Variants in DLG2 observed in about 807,000 individuals in gnomAD.
DLG2 encodes the protein discs large MAGUK scaffold protein 2.
In DLG2, 45 loss-of-function variants were observed where a neutral mutation model predicts 132.5. The observed-to-expected ratio is 0.34, with a 90% CI of 0.27 to 0.44. The LOEUF is 0.44. DLG2 is among the 20% of genes least tolerant of loss of function. DLG2 has a pLI of 1.00. For missense variants in DLG2, 1,045 were observed against 1,196.9 expected, an observed-to-expected ratio of 0.87 and a Z score of 1.87; for synonymous variants, 424 against 419.6, an observed-to-expected ratio of 1.01 and a Z score of -0.13.
chr11:84,606,353 G>T (rs1353326845), intron 6 of DLG2, among the ~76,000 whole-genome samples: 1 of 152,024 alleles, frequency 6.6e-6, no homozygotes, highest in African/African-American at 2.4e-5. Context: ...TATAATGTGT[G>T]TCACTGTTAT....
intron 4 of DLG2, among the ~76,000 whole-genome samples, chr11:85,167,929 G>A (rs2078577172): frequency 6.6e-6 from 1 of 152,108 alleles, no homozygotes; most frequent in South Asian, 2.1e-4. Flanking sequence ...CAATGGGTAA[G>A]TTTAAACTAA....
intron 3 of DLG2, among the ~76,000 whole-genome samples, chr11:85,508,487 CT>C (rs2153149296): frequency 6.6e-6 from 1 of 152,112 alleles, no homozygotes; most frequent in South Asian, 2.1e-4. Flanking sequence ...CTTTATCCCC[CT>C]ACTCTGTTTT....
chr11:85,467,761 C>T (rs1412139267), intron 3 of DLG2, among the ~76,000 whole-genome samples: 1 of 152,102 alleles, frequency 6.6e-6, no homozygotes, highest in Non-Finnish European at 1.5e-5. Context: ...GGATATAGGC[C>T]TAAAATTATC....
chr11:84,747,601 A>G (rs1170670565), intron 6 of DLG2, among the ~76,000 whole-genome samples: 1 of 152,226 alleles, frequency 6.6e-6, no homozygotes, highest in Admixed American at 6.5e-5. Context: ...AAAATGACAT[A>G]ATATGAAAAT....
intron 10 of DLG2, among the ~76,000 whole-genome samples, chr11:84,086,489 T>C (rs1318727180): frequency 2.8e-5 from 3 of 105,952 alleles, no homozygotes; most frequent in Non-Finnish European, 5.6e-5. Context: ...TTTTCTTTCT[T>C]TCTTTTTTTT....
At chr11:83,955,277 T>C (rs1489948710) in intron 14 of DLG2, among the ~76,000 whole-genome samples, 2 of 151,960 alleles carry the variant, frequency 1.3e-5, no homozygotes, top group Non-Finnish European at 2.9e-5. Context: ...TAGGAAATGG[T>C]GTGATTCAAA....
intron 8 of DLG2, among the ~76,000 whole-genome samples, chr11:84,221,367 G>A (rs2096914235): frequency 6.6e-6 from 1 of 152,006 alleles, no homozygotes; most frequent in South Asian, 2.1e-4. Flanking sequence ...AGGAGGCTGA[G>A]GCAGGAGAAT....
At chr11:85,346,194 T>C (rs1161665589) in intron 3 of DLG2, among the ~76,000 whole-genome samples, 1 of 151,808 alleles carries the variant, frequency 6.6e-6, no homozygotes, top group Non-Finnish European at 1.5e-5. Flanking sequence ...CTTTCTTTTT[T>C]TTTTTTTCTT....
At chr11:84,043,430 T>C (rs1482304233) in intron 11 of DLG2, among the ~76,000 whole-genome samples, 1 of 151,770 alleles carries the variant, frequency 6.6e-6, no homozygotes, top group African/African-American at 2.4e-5. Flanking sequence ...AGGTTTGTTA[T>C]ATACGTAAAC....
At chr11:84,530,012 C>T (rs553650801) in intron 7 of DLG2, among the ~76,000 whole-genome samples, 19 of 151,918 alleles carry the variant, frequency 1.3e-4, no homozygotes, top group South Asian at 8.3e-4. Context: ...ATCTGATCTT[C>T]AATAAAGTGG....
At chr11:85,460,914 G>C (rs866347457) in intron 3 of DLG2, among the ~76,000 whole-genome samples, 2 of 152,148 alleles carry the variant, frequency 1.3e-5, no homozygotes, top group Non-Finnish European at 2.9e-5. Flanking sequence ...TGAGGGTTGA[G>C]GTTTTGTATT....
chr11:84,628,309 C>T lies in DLG2; in HGVS notation c.358-93578G>A, dbSNP rs572927992. The stretch of plus-strand genomic sequence containing the variant: ...CCAAGGAACTATTCTCTGGTTAGTC[C>T]AAGCTCTACATTTGTTGAGCACCTA... On this transcript the variant is annotated intron_variant, in intron 6 of 27. Coordinates refer to ENST00000376104, the MANE Select transcript of DLG2 (RefSeq NM_001142699.3). 7.9e-5 allele frequency among the ~76,000 whole-genome samples: 12 copies of T among 152,158 alleles called. No individual in the cohort carries two copies. The South Asian group carries it at 2.3e-3, about 29-fold the overall frequency.
chr11:84,089,755 G>T (rs927073211), intron 10 of DLG2, among the ~76,000 whole-genome samples: 6 of 152,170 alleles, frequency 3.9e-5, no homozygotes, highest in African/African-American at 1.2e-4. Context: ...ATCTTGTCTG[G>T]GAGTAGAAAT....
chr11:83,493,428 G>A (rs7131385), intron 21 of DLG2, among the ~76,000 whole-genome samples: 92,133 of 148,188 alleles, frequency 0.62, 29,023 homozygotes, highest in African/African-American at 0.74. Flanking sequence ...CCATCTGCCT[G>A]CATACACATT....
At chr11:85,282,385 A>G (rs2078285268) in intron 4 of DLG2, among the ~76,000 whole-genome samples, 1 of 151,976 alleles carries the variant, frequency 6.6e-6, no homozygotes, top group Non-Finnish European at 1.5e-5. Context: ...AAGAAATGAT[A>G]AATGCTTGAG....
chr11:83,629,060 T>C (rs1216065080), intron 19 of DLG2, among the ~76,000 whole-genome samples: 1 of 152,184 alleles, frequency 6.6e-6, no homozygotes, highest in Non-Finnish European at 1.5e-5. Flanking sequence ...CTTGGTTACC[T>C]CATATCAGAG....
At chr11:84,023,968 T>C (rs985607653) in intron 11 of DLG2, among the ~76,000 whole-genome samples, 2 of 152,160 alleles carry the variant, frequency 1.3e-5, no homozygotes, top group Non-Finnish European at 2.9e-5. Context: ...ATATCGTATA[T>C]AATACATATA....
At chr11:84,349,255 T>C (rs1249038694) in intron 7 of DLG2, among the ~76,000 whole-genome samples, 1 of 152,102 alleles carries the variant, frequency 6.6e-6, no homozygotes, top group Non-Finnish European at 1.5e-5. Flanking sequence ...GGACAGAATA[T>C]TGATGGGTCA....
intron 15 of DLG2, among the ~76,000 whole-genome samples, chr11:83,880,767 T>C (rs1233104612): frequency 6.6e-6 from 1 of 152,226 alleles, no homozygotes; most frequent in Admixed American, 6.5e-5. Context: ...TTGATGAACC[T>C]GTTACACATG....
Sources: allele counts gnomAD v4.1 joint callset (sites outside exome capture counted in the v4.1 genomes callset), GRCh38; gene constraint gnomAD v4.1.1; transcripts MANE v1.5; gene names NCBI Gene and HGNC (gene_info 2026-07-23, HGNC 2026-07-21).